RAB37: variants seen among roughly 807,000 people sequenced by gnomAD.
The protein encoded by RAB37 is ras-related protein Rab-37.
A neutral mutation model predicts 33.1 loss-of-function variants in RAB37; 29 were observed. The ratio of observed to expected loss-of-function variants is 0.88; its 90% CI spans 0.65 to 1.20. The LOEUF is 1.20. RAB37 is among the 50% of genes most tolerant of loss of function. The pLI, the probability that RAB37 is intolerant of heterozygous loss-of-function variation, is 0.00. For synonymous variants in RAB37, 128 were observed against 119.5 expected, an observed-to-expected ratio of 1.07 and a Z score of -0.47; for missense variants, 299 against 301.1, an observed-to-expected ratio of 0.99 and a Z score of 0.05.
At position 74,744,685 on chromosome 17, in the gene RAB37, T is replaced by C. The variant is rs2034708208; in HGVS notation, c.433-188T>C. 5 of 695,072 alleles carry C rather than the reference T, an allele frequency of 7.2e-6. No homozygotes were observed. The highest frequency in any genetic ancestry group is 9.9e-6 in the Non-Finnish European group (4 of 403,050). The allele number at this position is 695,072 out of a possible 1,614,324, so 43.1% of individuals were successfully genotyped here. Reference sequence around the variant, plus strand: ...CAACTGCTGTCCTATTCCAAGACCCTTTACCAAAGGTGAGATCCCAGAGCT... The same window carrying C: ...CAACTGCTGTCCTATTCCAAGACCCCTTACCAAAGGTGAGATCCCAGAGCT... On this transcript the variant is annotated intron_variant, in intron 6 of 8. Coordinates refer to ENST00000392613, the MANE Select transcript of RAB37 (RefSeq NM_001006638.3). This position sits in a 1 kb window ranked among gnomAD's most constrained non-coding sequence, Gnocchi z 4.2.
rs115636998 is a variant in RAB37, at chr17:74,729,309, C to T, written c.126C>T (p.Phe42=). ...GAAAGACGTCTCTGCTGGTTCAGTTCGATCAGGGCAAGTTCATCCCCGGCT... is the reference window on the plus strand; with the variant it reads ...GAAAGACGTCTCTGCTGGTTCAGTTTGATCAGGGCAAGTTCATCCCCGGCT... Residue 42 remains phenylalanine (F), a synonymous_variant, in exon 2 of 8, where the codon TTC becomes TTT. Coordinates refer to the RAB37 transcript ENST00000340415. The surrounding 1 kb of genome is among the most constrained non-coding windows in gnomAD (Gnocchi z 4.2). 1,239 of 1,614,010 alleles carry T rather than the reference C, an allele frequency of 7.7e-4. 11 individuals are homozygous for T. In the African/African-American group the frequency reaches 0.013, roughly 17 times the overall value.
intron 1 of RAB37, among the ~76,000 whole-genome samples, chr17:74,722,927 G>A (rs1355759670): frequency 6.6e-6 from 1 of 152,152 alleles, no homozygotes; most frequent in Non-Finnish European, 1.5e-5. Flanking sequence ...CCATTTATCA[G>A]GTTTTCTAAA....
At chr17:74,706,917 G>C (rs2033568186) in intron 1 of RAB37, among the ~76,000 whole-genome samples, 1 of 152,140 alleles carries the variant, frequency 6.6e-6, no homozygotes, top group African/African-American at 2.4e-5. Flanking sequence ...AACAGTGCTG[G>C]GAAAACTCGA....
chr17:74,745,457 C>G lies in RAB37; in HGVS notation c.*46C>G, dbSNP rs373913183. ...GGCTCTGGAGGCACACAGGATGCAG[C>G]CTTCCCCCTCCCAGGCCTGGCTTAT... On this transcript the variant is annotated 3_prime_UTR_variant, in exon 9 of 9. Coordinates refer to ENST00000392613, the MANE Select transcript of RAB37 (RefSeq NM_001006638.3). The surrounding 1 kb of genome is among the most constrained non-coding windows in gnomAD (Gnocchi z 4.5). The G allele has an allele frequency of 6.1e-6, 9 of 1,477,596 alleles. No homozygotes were observed. The highest frequency in any genetic ancestry group is 1.4e-5 in the African/African-American group (1 of 72,296). 91.5% of individuals were successfully genotyped at this position (1,477,596 alleles called of 1,614,324 possible).
At chr17:74,704,594 C>G in intron 1 of RAB37, 5 of 1,614,148 alleles carry the variant, frequency 3.1e-6, no homozygotes, top group Non-Finnish European at 4.2e-6. Context: ...AGTGAACGTG[C>G]GGTTTTTCTG....
chr17:74,688,380 T>C (rs567919350), intron 1 of RAB37, among the ~76,000 whole-genome samples: 2 of 151,994 alleles, frequency 1.3e-5, no homozygotes, highest in South Asian at 4.1e-4. Context: ...TGAAACCCTG[T>C]CTCTACTAAA....
In RAB37 at chr17:74,744,766, C is replaced by T; in HGVS notation, c.433-107C>T. On this transcript the variant is annotated intron_variant, in intron 6 of 8. Transcript: ENST00000392613. This position sits in a 1 kb window ranked among gnomAD's most constrained non-coding sequence, Gnocchi z 4.2. ...CAGGCCAATCACACCTGCCTGCAGT[C>T]CCTTGGGCCACCAGCAGAGGGCAGG... The T allele has an allele frequency of 7.5e-7, 1 of 1,337,524 alleles. No individual in the cohort carries two copies. Among genetic ancestry groups the T allele is most frequent in the Non-Finnish European group, 1.1e-6 (1 of 929,454 alleles). 82.9% of individuals were successfully genotyped at this position (1,337,524 alleles called of 1,614,324 possible). A position where few individuals can be genotyped will look rare whatever the true frequency, so the allele number is the denominator to read the frequency against.
chr17:74,689,027 C>T (rs1031039288), intron 1 of RAB37, among the ~76,000 whole-genome samples: 2 of 152,170 alleles, frequency 1.3e-5, no homozygotes, highest in Non-Finnish European at 2.9e-5. Flanking sequence ...ATAGCCTTGG[C>T]GCAGTGGCTC....
intron 1 of RAB37, among the ~76,000 whole-genome samples, chr17:74,689,992 C>G (rs1199939051): frequency 6.6e-6 from 1 of 152,152 alleles, no homozygotes; most frequent in Non-Finnish European, 1.5e-5. Context: ...CACTCTGTCC[C>G]TGAGGCTGGT....
chr17:74,728,789 T>C (rs1598311007), intron 1 of RAB37, among the ~76,000 whole-genome samples: 2 of 152,250 alleles, frequency 1.3e-5, no homozygotes, highest in Admixed American at 1.3e-4. Flanking sequence ...CTGTGTCATG[T>C]GTGTTCTGTG....
chr17:74,680,594 C>T (rs546009879), intron 1 of RAB37, among the ~76,000 whole-genome samples: 2 of 152,280 alleles, frequency 1.3e-5, no homozygotes, highest in African/African-American at 4.8e-5. Flanking sequence ...ACCCCACTGG[C>T]CCCTTCTACC....
At chr17:74,701,650 G>T (rs987614069) in intron 1 of RAB37, among the ~76,000 whole-genome samples, 2 of 152,030 alleles carry the variant, frequency 1.3e-5, no homozygotes, top group Admixed American at 1.3e-4. Flanking sequence ...TTGAGGACAG[G>T]AGTTGGAGAC....
At chr17:74,741,109 G>A (rs756663339) in intron 2 of RAB37, among the ~76,000 whole-genome samples, 1 of 152,090 alleles carries the variant, frequency 6.6e-6, no homozygotes, top group African/African-American at 2.4e-5. Flanking sequence ...CTGAGTCTTC[G>A]ATTCCAGCTC....
At chr17:74,698,561 G>A (rs547122399) in intron 1 of RAB37, 1 of 1,535,534 alleles carries the variant, frequency 6.5e-7, no homozygotes, top group South Asian at 1.2e-5. Context: ...CCAGCAGCAG[G>A]GGAGGGCCAC....
intron 1 of RAB37, among the ~76,000 whole-genome samples, chr17:74,739,608 C>T (rs1408173170): frequency 6.7e-6 from 1 of 148,536 alleles, no homozygotes; most frequent in Non-Finnish European, 1.5e-5. Context: ...CGGCTCACTG[C>T]AACCTCTACC....
At chr17:74,741,691 G>T (rs1422148595) in intron 2 of RAB37, among the ~76,000 whole-genome samples, 1 of 152,080 alleles carries the variant, frequency 6.6e-6, no homozygotes. Flanking sequence ...TCTGCATCAG[G>T]GATGCTAGAC....
chr17:74,719,818 A>C (rs1473670521), intron 1 of RAB37, among the ~76,000 whole-genome samples: 1 of 152,190 alleles, frequency 6.6e-6, no homozygotes, highest in Non-Finnish European at 1.5e-5. Context: ...TACCTGGCCA[A>C]GCAAATTATT....
At chr17:74,714,433 A>G (rs190472643) in intron 1 of RAB37, among the ~76,000 whole-genome samples, 21 of 149,308 alleles carry the variant, frequency 1.4e-4, no homozygotes, top group Middle Eastern at 3.4e-3. Flanking sequence ...ACACACACAC[A>G]CGCACGCACA....
chr17:74,725,885 G>C (rs1331519358), intron 1 of RAB37, among the ~76,000 whole-genome samples: 1 of 151,890 alleles, frequency 6.6e-6, no homozygotes, highest in Non-Finnish European at 1.5e-5. Flanking sequence ...CAAAGTGCTG[G>C]GATTACAGGC....
Sources: gnomAD v4.1 joint callset for allele counts (sites outside exome capture counted in the v4.1 genomes callset) on GRCh38, gnomAD v4.1.1 for gene constraint, Gnocchi (gnomAD v3.1) non-coding constraint, MANE v1.5 for transcripts, NCBI Gene and HGNC (gene_info 2026-07-23, HGNC 2026-07-21) for gene names.